The following ZNF76 variants were observed in gnomAD, a reference collection of about 807,000 sequenced individuals.
ZNF76 encodes zinc finger protein 523.
In ZNF76, 66 loss-of-function variants were observed where a neutral mutation model predicts 66.9. The ratio of observed to expected loss-of-function variants is 0.99; its 90% CI spans 0.81 to 1.21. The LOEUF (loss-of-function observed/expected upper bound fraction) is 1.21. Among genes scored for constraint, ZNF76 ranks in the 50% most tolerant of loss-of-function variants. ZNF76 has a pLI of 0.00. For missense variants in ZNF76, 729 were observed against 760.3 expected, an observed-to-expected ratio of 0.96 and a Z score of 0.48; for synonymous variants, 275 against 296.1, an observed-to-expected ratio of 0.93 and a Z score of 0.73.
intron 2 of ZNF76, 124 bp downstream of exon 2, chr6:35,281,348 AT>A: frequency 1.2e-6 from 1 of 829,704 alleles, no homozygotes; most frequent in South Asian, 1.5e-5. Flanking sequence ...CACCACCACA[AT>A]TTGCTCTGCA....
chr6:35,279,654 C>T (rs999600158), intron 1 of ZNF76: 17 of 152,030 alleles, frequency 1.1e-4, no homozygotes, highest in African/African-American at 4.1e-4. Context: ...GTCTCAATCT[C>T]CTGACCTCGT....
chr6:35,288,012 A>G (rs1789834334), intron 5 of ZNF76, 167 bp downstream of exon 5: 1 of 776,554 alleles, frequency 1.3e-6, no homozygotes, highest in Non-Finnish European at 2.2e-6. Flanking sequence ...AGCTCCCCCA[A>G]CTCACCTGTC....
intron 1 of ZNF76, among the ~76,000 whole-genome samples, chr6:35,275,831 C>T (rs1787816587): frequency 6.6e-6 from 1 of 152,050 alleles, no homozygotes; most frequent in Non-Finnish European, 1.5e-5. Context: ...TTCCCTTTTT[C>T]CATTGCGGGT....
chr6:35,286,264 A>G, intron 3 of ZNF76, 56 bp downstream of exon 3: 1 of 1,613,238 alleles, frequency 6.2e-7, no homozygotes. Flanking sequence ...AGCCCCCACC[A>G]AGGGACCCCT....
At chr6:35,274,922 A>G (rs1787652168) in intron 1 of ZNF76, among the ~76,000 whole-genome samples, 1 of 152,142 alleles carries the variant, frequency 6.6e-6, no homozygotes, top group Non-Finnish European at 1.5e-5. Context: ...TGGGAGGCCA[A>G]GGTGGGCGGA....
intron 1 of ZNF76, chr6:35,270,317 A>G (rs1786838336): frequency 6.6e-6 from 1 of 150,996 alleles, no homozygotes; most frequent in South Asian, 2.1e-4. Flanking sequence ...TTGTATTTTT[A>G]GTAGAGATGG....
intron 2 of ZNF76, among the ~76,000 whole-genome samples, chr6:35,282,083 C>T (rs1158527147): frequency 6.6e-6 from 1 of 151,982 alleles, no homozygotes; most frequent in East Asian, 1.9e-4. Flanking sequence ...ACAATGAATA[C>T]TCTTGTAGGA....
chr6:35,286,871 C>T (rs985034373), intron 4 of ZNF76: 3 of 196,282 alleles, frequency 1.5e-5, no homozygotes, highest in African/African-American at 7.0e-5. Context: ...AGTCCCCGCT[C>T]TCCTAGAGTC....
Position 35,287,663 on chromosome 6 carries a change from A to G in ZNF76, c.250A>G (p.Thr84Ala). 6.2e-7 allele frequency: 1 copy of G among 1,613,078 alleles called. No homozygotes were observed. The highest frequency in any genetic ancestry group is 8.5e-7 in the Non-Finnish European group (1 of 1,179,384). ...CCCTGCAGAAGGCTATGACCCCAGCACCCTGGAAGCCGTCCAACTGGAAGA... is the reference window on the plus strand; with the variant it reads ...CCCTGCAGAAGGCTATGACCCCAGCGCCCTGGAAGCCGTCCAACTGGAAGA... ...RTPREGYDPS[T>A]LEAVQLEDGS... The change falls in exon 5 of 14, where the codon ACC becomes GCC. Residue 84 changes from threonine to alanine, a missense_variant. By Grantham distance (58) the Thr-to-Ala change is moderately conservative. Transcript: ENST00000373953. The surrounding 1 kb of genome is among the most constrained non-coding windows in gnomAD (Gnocchi z 4.0).
intron 1 of ZNF76, among the ~76,000 whole-genome samples, chr6:35,275,407 G>T (rs1266209506): frequency 6.6e-6 from 1 of 152,116 alleles, no homozygotes; most frequent in Admixed American, 6.6e-5. Context: ...GTCTGAACCG[G>T]CAAGTGCAGG....
chr6:35,260,231 C>T (rs904190640), intron 1 of ZNF76, among the ~76,000 whole-genome samples: 3 of 152,238 alleles, frequency 2.0e-5, no homozygotes, highest in Admixed American at 1.3e-4. Context: ...CGGTGACTCA[C>T]ATGACCCTGA....
Position 35,287,575 on chromosome 6 carries a change from C to G in ZNF76, c.233-71C>G. The G allele has an allele frequency of 7.0e-7, 1 of 1,437,290 alleles. No individual in the cohort carries two copies. The highest frequency in any genetic ancestry group is 1.3e-5 in the South Asian group (1 of 74,326). The allele number at this position is 1,437,290 out of a possible 1,614,324, so 89.0% of individuals were successfully genotyped here. The stretch of plus-strand genomic sequence containing the variant: ...CCTTGGTATATGTATCTCTCATTAA[C>G]TTAAAGCTAGGGTCCCAGCTGTATC... On this transcript the variant is annotated intron_variant, in intron 4 of 13. Coordinates refer to ENST00000373953, the MANE Select transcript of ZNF76 (RefSeq NM_003427.5). This position sits in a 1 kb window ranked among gnomAD's most constrained non-coding sequence, Gnocchi z 4.0.
chr6:35,262,936 T>TG (rs1785465312), intron 1 of ZNF76, among the ~76,000 whole-genome samples: 1 of 152,172 alleles, frequency 6.6e-6, no homozygotes, highest in Non-Finnish European at 1.5e-5. Flanking sequence ...CTCCTCTTCC[T>TG]GCCTTCCTCT....
chr6:35,287,231 T>C lies in ZNF76; in HGVS notation c.233-415T>C, dbSNP rs1789695845. Among the ~76,000 whole-genome samples the C allele has an allele frequency of 6.6e-6, 1 of 152,140 alleles. No homozygotes were observed. Among genetic ancestry groups the C allele is most frequent in the Non-Finnish European group, 1.5e-5 (1 of 68,024 alleles). On this transcript the variant is annotated intron_variant, in intron 4 of 13. Coordinates refer to ENST00000373953, the MANE Select transcript of ZNF76 (RefSeq NM_003427.5). The surrounding 1 kb of genome is among the most constrained non-coding windows in gnomAD (Gnocchi z 4.0). ...GTGTCAGGGTGAGGATTTTGGTCTT[T>C]ATCCTGAGACCAGTGGGAAGCATTT...
At chr6:35,291,141 C>T in intron 7 of ZNF76, 137 bp from the exon 8 acceptor site, 1 of 1,219,776 alleles carries the variant, frequency 8.2e-7, no homozygotes, top group Non-Finnish European at 1.1e-6. Context: ...CAGCCCCTGC[C>T]CAGGGCAGGG....
chr6:35,268,299 G>GT (rs934429837), intron 1 of ZNF76, among the ~76,000 whole-genome samples: 2 of 152,182 alleles, frequency 1.3e-5, no homozygotes, highest in African/African-American at 4.8e-5. Context: ...CCCTGTGGCT[G>GT]TGTTTATTCT....
intron 5 of ZNF76, among the ~76,000 whole-genome samples, chr6:35,289,134 C>T (rs576756592): frequency 6.6e-6 from 1 of 152,230 alleles, no homozygotes; most frequent in South Asian, 2.1e-4. Context: ...CTAGTCCAAA[C>T]TTGGGTGAGT....
chr6:35,265,622 C>T (rs1046545897), intron 1 of ZNF76, among the ~76,000 whole-genome samples: 6 of 151,692 alleles, frequency 4.0e-5, no homozygotes, highest in African/African-American at 1.5e-4. Context: ...TGAGCAAAGA[C>T]CTGAAGGAAG....
chr6:35,288,197 C>A (rs1160978463), intron 5 of ZNF76: 2 of 495,006 alleles, frequency 4.0e-6, no homozygotes, highest in Non-Finnish European at 7.9e-6. Context: ...ATCCTCTGCA[C>A]TAGCTGGGAA....
Sources: allele counts gnomAD v4.1 joint callset (sites outside exome capture counted in the v4.1 genomes callset), GRCh38; gene constraint gnomAD v4.1.1; non-coding constraint Gnocchi (gnomAD v3.1); transcripts MANE v1.5; gene names NCBI Gene and HGNC (gene_info 2026-07-23, HGNC 2026-07-21).